Variants in SCO1 observed in about 807,000 individuals in gnomAD.
SCO1 encodes the protein cytochrome c oxidase assembly factor SCO1.
In SCO1, 23 loss-of-function variants were observed where a neutral mutation model predicts 34.0. The observed-to-expected ratio is 0.68, with a 90% CI of 0.49 to 0.96. The LOEUF (loss-of-function observed/expected upper bound fraction) is 0.96. Among genes scored for constraint, SCO1 ranks in the 40% least tolerant of loss-of-function variants. SCO1 has a pLI of 0.00. For missense variants in SCO1, 404 were observed against 381.6 expected, an observed-to-expected ratio of 1.06 and a Z score of -0.49; for synonymous variants, 161 against 145.5, an observed-to-expected ratio of 1.11 and a Z score of -0.77.
chr17:10,692,793 T>C lies in SCO1; in HGVS notation c.533A>G (p.Glu178Gly). The change falls in exon 3 of 6, where the codon GAA (glutamate) becomes GGA (glycine). Residue 178 changes from glutamate (E) to glycine (G), a missense_variant. Transcript: ENST00000255390. ...TTCATCCACGACTTGAATCATCTTT[T>C]CTAGTTCTTCTGGACAGACATCAGG... is the stretch of plus-strand genomic sequence containing the variant. Reference protein sequence around the residue: ...HCPDVCPEELEKMIQVVDEID... With the variant: ...HCPDVCPEELGKMIQVVDEID... 1.2e-6 allele frequency: 2 copies of C among 1,614,170 alleles called. No homozygotes were observed. Among genetic ancestry groups the C allele is most frequent in the Non-Finnish European group, 1.7e-6 (2 of 1,180,024 alleles).
chr17:10,690,581 A>G (rs2074683635), intron 4 of SCO1, among the ~76,000 whole-genome samples: 1 of 152,208 alleles, frequency 6.6e-6, no homozygotes, highest in South Asian at 2.1e-4. Context: ...CACACACACC[A>G]TTGATGGAAA....
rs192979404 is a variant in SCO1, at chr17:10,682,868, G to A, written c.772-1615C>T. Among the ~76,000 whole-genome samples, 179 of 152,312 alleles carry A rather than the reference G, an allele frequency of 1.2e-3. 1 individual carries two copies. Among genetic ancestry groups the A allele is most frequent in the African/African-American group, 3.8e-3 (159 of 41,562 alleles). The stretch of plus-strand genomic sequence containing the variant: ...TCTTCAAATGATATCACAGGCTGGA[G>A]AGAGTAAATTATATAATTGGTAAGT... On this transcript the variant is annotated intron_variant, in intron 5 of 5. Coordinates refer to ENST00000255390, the MANE Select transcript of SCO1 (RefSeq NM_004589.4).
rs1435292162 is a variant in SCO1, at chr17:10,675,901, A to G, written c.*5218T>C. 1 of 152,164 alleles carries G rather than the reference A, an allele frequency of 6.6e-6. No individual in the cohort carries two copies. The highest frequency in any genetic ancestry group is 1.5e-5 in the Non-Finnish European group (1 of 68,038). The allele number at this position is 152,164 out of a possible 1,614,324, so 9.4% of individuals were successfully genotyped here. A position where few individuals can be genotyped will look rare whatever the true frequency, so the allele number is the denominator to read the frequency against. On this transcript the variant is annotated 3_prime_UTR_variant, in exon 6 of 6. Transcript: ENST00000255390. The stretch of plus-strand genomic sequence containing the variant: ...TTGAACTGGGTGCAAACATGGACAA[A>G]GTCACATGTATGACATGGAGACAAC...
chr17:10,679,973 G>C lies in SCO1; in HGVS notation c.*1146C>G, dbSNP rs2074610454. 1.1e-5 allele frequency: 1 copy of C among 94,296 alleles called. No homozygotes were observed. Among genetic ancestry groups the C allele is most frequent in the Non-Finnish European group, 2.1e-5 (1 of 48,584 alleles). The allele number at this position is 94,296 out of a possible 1,614,324, so 5.8% of individuals were successfully genotyped here. On this transcript the variant is annotated 3_prime_UTR_variant, in exon 6 of 6. Transcript: ENST00000255390. ...GTAGAGATGGGGGCGGGGGGGGGGGGTCTCACTATGTTGCCCAGGCTTGTC... is the reference window on the plus strand; with the variant it reads ...GTAGAGATGGGGGCGGGGGGGGGGGCTCTCACTATGTTGCCCAGGCTTGTC...
In SCO1 at chr17:10,686,828, G is replaced by T; in HGVS notation, c.670C>A (p.Leu224Met). The T allele has an allele frequency of 6.2e-7, 1 of 1,612,540 alleles. No homozygotes were observed. ...ANYVKEFSPK[L>M]VGLTGTREEV... ...TCTCTCGTGCCAGTCAAGCCAACCA[G>T]TTTGGGAGAAAATTCTAAATAAAAA... The change falls in exon 5 of 6, where the codon CTG becomes ATG. Residue 224 changes from leucine (L) to methionine (M), a missense_variant. By Grantham distance (15) the Leu-to-Met change is conservative. Coordinates refer to ENST00000255390, the MANE Select transcript of SCO1 (RefSeq NM_004589.4).
intron 5 of SCO1, among the ~76,000 whole-genome samples, chr17:10,684,295 G>T (rs1401060618): frequency 6.6e-6 from 1 of 152,170 alleles, no homozygotes; most frequent in Non-Finnish European, 1.5e-5. Flanking sequence ...TTTGCTCCAT[G>T]ATCTCACTGG....
chr17:10,696,968 T>TTG (rs1555531186), intron 1 of SCO1, among the ~76,000 whole-genome samples: 2 of 150,058 alleles, frequency 1.3e-5, no homozygotes, highest in South Asian at 4.2e-4. Context: ...TTTTTTTTTT[T>TTG]GATGGAAACG....
chr17:10,693,601 G>A (rs2074703827), intron 2 of SCO1, among the ~76,000 whole-genome samples: 1 of 152,158 alleles, frequency 6.6e-6, no homozygotes, highest in South Asian at 2.1e-4. Context: ...TGTCCACTGA[G>A]AGGACCAGGG....
chr17:10,693,060 G>A, intron 2 of SCO1, 99 bp from the exon 3 acceptor site: 1 of 982,786 alleles, frequency 1.0e-6, no homozygotes. Context: ...TACTCATGGT[G>A]GGGGCACAAA....
Position 10,681,245 on chromosome 17 carries a change from G to A in SCO1, c.780C>T (p.His260=). Reference sequence around the variant, plus strand: ...GTCCAATCAAGTACATTATTATTGTGTGATCCACCTGCAGAGAAAAGGGGG... The same window carrying A: ...GTCCAATCAAGTACATTATTATTGTATGATCCACCTGCAGAGAAAAGGGGG... The part of the protein sequence containing the change: ...KDEDEDYIVD[H]TIIMYLIGPD... Residue 260 remains histidine, a synonymous_variant, in exon 6 of 6, where the codon CAC becomes CAT. Transcript: ENST00000255390. 1 of 1,614,030 alleles carries A rather than the reference G, an allele frequency of 6.2e-7. No individual in the cohort carries two copies. The highest frequency in any genetic ancestry group is 8.5e-7 in the Non-Finnish European group (1 of 1,180,006).
At chr17:10,697,165 A>C in intron 1 of SCO1, 70 bp downstream of exon 1, 2 of 1,404,516 alleles carry the variant, frequency 1.4e-6, no homozygotes, top group Non-Finnish European at 1.9e-6. Flanking sequence ...GTTACGACCA[A>C]GTGGGATGTG....
intron 4 of SCO1, among the ~76,000 whole-genome samples, chr17:10,687,333 T>C (rs1255210965): frequency 4.0e-5 from 6 of 151,238 alleles, no homozygotes; most frequent in Non-Finnish European, 5.9e-5. Context: ...TTAAAAAAAC[T>C]GGTTAATTAA....
intron 2 of SCO1, chr17:10,695,531 T>C: frequency 1.9e-6 from 1 of 515,726 alleles, no homozygotes; most frequent in Non-Finnish European, 3.5e-6. Context: ...CATTTAAAAT[T>C]TCTTAGTCAT....
At chr17:10,690,569 C>T (rs993934606) in intron 4 of SCO1, among the ~76,000 whole-genome samples, 2 of 152,084 alleles carry the variant, frequency 1.3e-5, no homozygotes, top group Non-Finnish European at 2.9e-5. Context: ...ACAAAGATAC[C>T]TCACACACAC....
At position 10,681,062 on chromosome 17, in the gene SCO1, C is replaced by G; in HGVS notation, c.*57G>C. The G allele has an allele frequency of 6.2e-7, 1 of 1,601,982 alleles. No individual in the cohort carries two copies. Among genetic ancestry groups the G allele is most frequent in the Non-Finnish European group, 8.6e-7 (1 of 1,169,136 alleles). ...GTTTATATTTATATAGGCTCCTATGCGAGACAGTTTCCTTCCTCTTAGCAA... is the reference window on the plus strand; with the variant it reads ...GTTTATATTTATATAGGCTCCTATGGGAGACAGTTTCCTTCCTCTTAGCAA... On this transcript the variant is annotated 3_prime_UTR_variant, in exon 6 of 6. Transcript: ENST00000255390.
chr17:10,694,840 T>C (rs1434745334), intron 2 of SCO1, among the ~76,000 whole-genome samples: 2 of 152,166 alleles, frequency 1.3e-5, no homozygotes, highest in East Asian at 1.9e-4. Context: ...CTACTTATTA[T>C]GCCAAAGAGT....
chr17:10,688,892 G>C (rs1269345262), intron 4 of SCO1, among the ~76,000 whole-genome samples: 2 of 140,936 alleles, frequency 1.4e-5, no homozygotes, highest in Non-Finnish European at 2.9e-5. Flanking sequence ...CGAGGCGGGC[G>C]GATCACGAGG....
At chr17:10,695,895 C>A (rs1597510896) in intron 1 of SCO1, 64 bp from the exon 2 acceptor site, 2 of 1,225,184 alleles carry the variant, frequency 1.6e-6, no homozygotes, top group East Asian at 4.7e-5. Flanking sequence ...ACCATACAAA[C>A]TTATTAAAGT....
chr17:10,681,002 G>A lies in SCO1; in HGVS notation c.*117C>T. Reference sequence around the variant, plus strand: ...CATCCAAAACAGAAATGTTCTCATGGTATGAAGGCCATTCTGTAGAGTGCA... The same window carrying A: ...CATCCAAAACAGAAATGTTCTCATGATATGAAGGCCATTCTGTAGAGTGCA... On this transcript the variant is annotated 3_prime_UTR_variant, in exon 6 of 6. Coordinates refer to ENST00000255390, the MANE Select transcript of SCO1 (RefSeq NM_004589.4). The A allele has an allele frequency of 8.2e-7, 1 of 1,217,668 alleles. No individual in the cohort carries two copies. Among genetic ancestry groups the A allele is most frequent in the Non-Finnish European group, 1.2e-6 (1 of 824,522 alleles). 75.4% of individuals were successfully genotyped at this position (1,217,668 alleles called of 1,614,324 possible).
Sources: allele counts gnomAD v4.1 joint callset (sites outside exome capture counted in the v4.1 genomes callset), GRCh38; gene constraint gnomAD v4.1.1; transcripts MANE v1.5; gene names NCBI Gene and HGNC (gene_info 2026-07-23, HGNC 2026-07-21).